The following ENOX1 variants were observed in gnomAD, a reference collection of about 807,000 sequenced individuals.
ENOX1 encodes the protein candidate growth-related and time keeping constitutive hydroquinone (NADH) oxidase.
In ENOX1, 42 loss-of-function variants were observed where a neutral mutation model predicts 82.5. The ratio of observed to expected loss-of-function variants is 0.51; its 90% CI spans 0.40 to 0.66. The LOEUF is 0.66. Ranked by LOEUF, ENOX1 falls within the 30% of genes least tolerant of loss-of-function variation. The pLI is 0.00. For missense variants in ENOX1, 608 were observed against 811.6 expected (o/e 0.75, Z 3.05); for synonymous variants, 271 against 282.2 (o/e 0.96, Z 0.40).
intron 12 of ENOX1, among the ~76,000 whole-genome samples, chr13:43,293,539 C>T (rs938154328): frequency 1.3e-5 from 2 of 152,132 alleles, no homozygotes; most frequent in African/African-American, 4.8e-5. Flanking sequence ...GCCACCATCA[C>T]CACCACCCCT....
intron 14 of ENOX1, among the ~76,000 whole-genome samples, chr13:43,253,554 C>G (rs1295796719): frequency 1.3e-5 from 2 of 152,240 alleles, no homozygotes; most frequent in East Asian, 1.9e-4. Context: ...GTGCATTTCA[C>G]AACTCTCCCC....
chr13:43,379,662 A>T (rs2051892884), intron 5 of ENOX1, among the ~76,000 whole-genome samples: 1 of 152,102 alleles, frequency 6.6e-6, no homozygotes, highest in Non-Finnish European at 1.5e-5. Flanking sequence ...AACAGAACAT[A>T]AAAGGGCTGT....
At chr13:43,218,332 T>G (rs774333481) in intron 16 of ENOX1, among the ~76,000 whole-genome samples, 2 of 152,190 alleles carry the variant, frequency 1.3e-5, no homozygotes, top group Non-Finnish European at 2.9e-5. Flanking sequence ...ATCCATTTAA[T>G]AAGGCTCTCA....
chr13:43,482,151 A>T (rs1241105922), intron 3 of ENOX1, among the ~76,000 whole-genome samples: 1 of 152,212 alleles, frequency 6.6e-6, no homozygotes, highest in African/African-American at 2.4e-5. Context: ...TACATATCAA[A>T]AAAACTGAAA....
At chr13:43,705,326 CTCTCTA>C (rs1434297918) in intron 1 of ENOX1, among the ~76,000 whole-genome samples, 2 of 36,858 alleles carry the variant, frequency 5.4e-5, no homozygotes, top group African/African-American at 1.3e-4. Flanking sequence ...CTCTCTCTCT[CTCTCTA>C]TATATATATA....
chr13:43,436,282 A>T (rs879720576), intron 3 of ENOX1, among the ~76,000 whole-genome samples: 24 of 152,228 alleles, frequency 1.6e-4, no homozygotes, highest in Non-Finnish European at 1.8e-4. Flanking sequence ...GACTGAAAAG[A>T]TTAGGAAAGT....
chr13:43,623,366 C>A (rs1475215800), intron 2 of ENOX1, among the ~76,000 whole-genome samples: 1 of 152,102 alleles, frequency 6.6e-6, no homozygotes. Context: ...CTGTTGGATC[C>A]CCATGGTGCC....
chr13:43,616,134 C>CTAGATAGA (rs2082425723), intron 2 of ENOX1, among the ~76,000 whole-genome samples: 22 of 18,038 alleles, frequency 1.2e-3, no homozygotes, highest in South Asian at 4.1e-3. Context: ...AGATATCTAT[C>CTAGATAGA]TATCTAGATA....
intron 2 of ENOX1, among the ~76,000 whole-genome samples, chr13:43,527,394 C>T (rs2078033376): frequency 6.6e-6 from 1 of 152,094 alleles, no homozygotes; most frequent in Non-Finnish European, 1.5e-5. Flanking sequence ...CAATGTTACA[C>T]TTAACTGCAT....
chr13:43,429,057 T>C (rs2055503780), intron 3 of ENOX1, among the ~76,000 whole-genome samples: 1 of 152,198 alleles, frequency 6.6e-6, no homozygotes, highest in Non-Finnish European at 1.5e-5. Flanking sequence ...TCGCTTTCTC[T>C]GACTCTCCTA....
chr13:43,331,750 G>C (rs2048420306), intron 9 of ENOX1, among the ~76,000 whole-genome samples: 1 of 152,182 alleles, frequency 6.6e-6, no homozygotes, highest in Non-Finnish European at 1.5e-5. Context: ...AGCGATTCCA[G>C]CTCTCAGGAT....
At chr13:43,505,524 A>C (rs1221130011) in intron 2 of ENOX1, among the ~76,000 whole-genome samples, 1 of 152,026 alleles carries the variant, frequency 6.6e-6, no homozygotes, top group African/African-American at 2.4e-5. Flanking sequence ...GGAAAGATAA[A>C]GAAGTCTGCA....
chr13:43,396,053 A>G (rs1333842529), intron 5 of ENOX1, among the ~76,000 whole-genome samples: 5 of 152,236 alleles, frequency 3.3e-5, no homozygotes, highest in African/African-American at 1.2e-4. Context: ...GAAAATCTCT[A>G]CTTGTGCTGC....
rs1292764036 is a variant in ENOX1 at position 43,635,121 on chromosome 13, G to GT, written c.-219+32357dup. 3.3e-5 allele frequency among the ~76,000 whole-genome samples: 5 copies of GT among 152,176 alleles called. No individual in the cohort carries two copies. The East Asian group carries it at 9.6e-4, about 29-fold the overall frequency. ...CGAACACAGAAAGCCTGAAATCTGG[G>GT]TAGAAATAAAGGTAGACAGTAGGGG... On this transcript the variant is annotated intron_variant, in intron 2 of 16. Transcript: ENST00000690772.
At chr13:43,396,192 T>C (rs762822608) in intron 5 of ENOX1, among the ~76,000 whole-genome samples, 20 of 152,198 alleles carry the variant, frequency 1.3e-4, no homozygotes, top group Non-Finnish European at 2.2e-4. Context: ...GCCCGGAAAC[T>C]GGCAGGAGAA....
intron 15 of ENOX1, among the ~76,000 whole-genome samples, chr13:43,224,975 A>G (rs2041958599): frequency 6.6e-6 from 1 of 152,194 alleles, no homozygotes; most frequent in African/African-American, 2.4e-5. Flanking sequence ...TTTTGTTAAG[A>G]AGTTGTGCAC....
chr13:43,424,313 C>T (rs191550344), intron 3 of ENOX1, among the ~76,000 whole-genome samples: 13 of 152,268 alleles, frequency 8.5e-5, no homozygotes, highest in Middle Eastern at 3.4e-3. Context: ...TTGACCCAAC[C>T]GTGGAAAACA....
At chr13:43,530,968 TAAAC>T (rs1013085611) in intron 2 of ENOX1, among the ~76,000 whole-genome samples, 6 of 151,912 alleles carry the variant, frequency 3.9e-5, no homozygotes, top group Non-Finnish European at 5.9e-5. Context: ...TTTTTGGCCA[TAAAC>T]AATCTGGGGA....
rs140718645 is a variant in ENOX1 at position 43,515,715 on chromosome 13, A to T, written c.-218-31563T>A. Among the ~76,000 whole-genome samples, 3 of 152,298 alleles carry T rather than the reference A, an allele frequency of 2.0e-5. No individual in the cohort carries two copies. In the East Asian group the frequency reaches 5.8e-4, roughly 29 times the overall value. ...TACACTATGCTAGTGCTACAGCTTC[A>T]AACAAAGAATCACAGTCACTGAAAA... is the stretch of plus-strand genomic sequence containing the variant. On this transcript the variant is annotated intron_variant, in intron 2 of 16. Coordinates refer to ENST00000690772, the MANE Select transcript of ENOX1 (RefSeq NM_001347969.2).
Sources: gnomAD v4.1 joint callset for allele counts (sites outside exome capture counted in the v4.1 genomes callset) on GRCh38, gnomAD v4.1.1 for gene constraint, MANE v1.5 for transcripts, NCBI Gene and HGNC (gene_info 2026-07-23, HGNC 2026-07-21) for gene names.